Variants in PTPRT observed in about 807,000 individuals in gnomAD.
The protein encoded by PTPRT is receptor-type tyrosine-protein phosphatase T.
In PTPRT, 56 loss-of-function variants were observed where a neutral mutation model predicts 176.8. The observed-to-expected ratio is 0.32, with a 90% CI of 0.26 to 0.40. The LOEUF is 0.40. Among genes scored for constraint, PTPRT ranks in the 10% least tolerant of loss-of-function variants. The pLI is 1.00. For missense variants in PTPRT, 1,540 were observed against 1,908.2 expected (o/e 0.81, Z 3.60); for synonymous variants, 783 against 739.0 (o/e 1.06, Z -0.96).
chr20:43,009,992 A>T (rs1315959966), intron 1 of PTPRT, among the ~76,000 whole-genome samples: 1 of 151,910 alleles, frequency 6.6e-6, no homozygotes, highest in East Asian at 1.9e-4. Flanking sequence ...CATCTTTCCC[A>T]CCAAACCAGC....
At chr20:42,823,986 A>G (rs1243620275) in intron 2 of PTPRT, among the ~76,000 whole-genome samples, 5 of 152,130 alleles carry the variant, frequency 3.3e-5, no homozygotes, top group Non-Finnish European at 7.4e-5. Context: ...TATAGCATCA[A>G]TAACCACTTG....
chr20:42,151,494 T>C (rs192128419), intron 17 of PTPRT, among the ~76,000 whole-genome samples: 9 of 152,344 alleles, frequency 5.9e-5, no homozygotes, highest in Non-Finnish European at 2.9e-5. Context: ...TTTCTATGGC[T>C]GCATAGTATT....
chr20:42,654,487 C>G (rs925504196), intron 7 of PTPRT, among the ~76,000 whole-genome samples: 25 of 152,296 alleles, frequency 1.6e-4, no homozygotes, highest in African/African-American at 4.1e-4. Flanking sequence ...ACCCCCAGAA[C>G]CCACTCATTG....
At chr20:42,970,433 T>A (rs984426940) in intron 1 of PTPRT, among the ~76,000 whole-genome samples, 48 of 152,102 alleles carry the variant, frequency 3.2e-4, no homozygotes, top group African/African-American at 1.1e-3. Context: ...CACACTACAG[T>A]GGTTATACAG....
chr20:42,129,138 G>C (rs1258269410), intron 18 of PTPRT, among the ~76,000 whole-genome samples: 1 of 152,164 alleles, frequency 6.6e-6, no homozygotes, highest in African/African-American at 2.4e-5. Context: ...TTGCTTCATA[G>C]GACAATGTGA....
chr20:42,494,759 C>T (rs549003791), intron 7 of PTPRT, among the ~76,000 whole-genome samples: 1 of 148,224 alleles, frequency 6.7e-6, no homozygotes, highest in East Asian at 1.9e-4. Context: ...TCATAGCTGG[C>T]ATATAATAAG....
At chr20:42,596,340 T>C (rs1045101171) in intron 7 of PTPRT, among the ~76,000 whole-genome samples, 1 of 152,146 alleles carries the variant, frequency 6.6e-6, no homozygotes, top group Non-Finnish European at 1.5e-5. Flanking sequence ...CCCTCCATCT[T>C]TGCAGTTCCT....
chr20:43,070,968 TAAA>T (rs11474990), intron 1 of PTPRT, among the ~76,000 whole-genome samples: 4 of 122,882 alleles, frequency 3.3e-5, no homozygotes, highest in East Asian at 2.3e-4. Context: ...AAAGTATAAT[TAAA>T]AAAAAAAAAA....
the PTPRT span, among the ~76,000 whole-genome samples, chr20:42,061,832 C>T: frequency 6.6e-6 from 1 of 152,262 alleles, no homozygotes; most frequent in Admixed American, 6.5e-5. Flanking sequence ...CCTGGAATTG[C>T]ACGCTTGCGT....
At chr20:42,412,027 A>C (rs1051888449) in intron 9 of PTPRT, among the ~76,000 whole-genome samples, 1 of 152,210 alleles carries the variant, frequency 6.6e-6, no homozygotes, top group African/African-American at 2.4e-5. Flanking sequence ...TTGAGATATG[A>C]CATAAAGTAC....
chr20:43,189,134 G>C lies in PTPRT; in HGVS notation c.88+512C>G, dbSNP rs2015472145. ...CCTGCTTAGGGGAGCAGCGTGTTCA[G>C]AGCAAATGGAGAGCTTCCTGTATCT... On this transcript the variant is annotated intron_variant, in intron 1 of 30. Coordinates refer to ENST00000373187, the MANE Select transcript of PTPRT (RefSeq NM_007050.6). This position sits in a 1 kb window ranked among gnomAD's most constrained non-coding sequence, Gnocchi z 5.0. Among the ~76,000 whole-genome samples the C allele has an allele frequency of 6.6e-6, 1 of 152,186 alleles. No individual in the cohort carries two copies. Among genetic ancestry groups the C allele is most frequent in the East Asian group, 1.9e-4 (1 of 5,158 alleles).
At chr20:43,127,150 G>C (rs989196097) in intron 1 of PTPRT, among the ~76,000 whole-genome samples, 1 of 152,068 alleles carries the variant, frequency 6.6e-6, no homozygotes, top group Non-Finnish European at 1.5e-5. Context: ...GCGGCCGGGC[G>C]CGGTGGCTCA....
At chr20:42,629,917 CAG>C (rs529634322) in intron 7 of PTPRT, among the ~76,000 whole-genome samples, 34 of 152,336 alleles carry the variant, frequency 2.2e-4, no homozygotes, top group Middle Eastern at 3.4e-3. Context: ...ACAACTGCTA[CAG>C]AGTCTCAGCT....
the PTPRT span, among the ~76,000 whole-genome samples, chr20:42,038,417 G>A: frequency 2.0e-5 from 3 of 152,206 alleles, no homozygotes; most frequent in Non-Finnish European, 4.4e-5. Context: ...ATGCACGAGT[G>A]AGTCCAACTT....
At chr20:42,456,553 G>GT (rs1367123501) in intron 8 of PTPRT, among the ~76,000 whole-genome samples, 3 of 151,864 alleles carry the variant, frequency 2.0e-5, no homozygotes, top group African/African-American at 2.4e-5. Flanking sequence ...AGAATATTTT[G>GT]TTTTTTAAAT....
At chr20:42,684,785 T>C (rs932045676) in intron 6 of PTPRT, among the ~76,000 whole-genome samples, 1 of 152,028 alleles carries the variant, frequency 6.6e-6, no homozygotes, top group Non-Finnish European at 1.5e-5. Flanking sequence ...CAGATATCTA[T>C]CAAAACAAAA....
chr20:42,587,994 A>G (rs2073501211), intron 7 of PTPRT, among the ~76,000 whole-genome samples: 1 of 152,148 alleles, frequency 6.6e-6, no homozygotes, highest in African/African-American at 2.4e-5. Context: ...ATATGATTGT[A>G]AAGTACCCAG....
chr20:42,293,210 T>C (rs1555816574), intron 12 of PTPRT, among the ~76,000 whole-genome samples: 1 of 152,116 alleles, frequency 6.6e-6, no homozygotes, highest in Non-Finnish European at 1.5e-5. Context: ...TTCTTGTAAG[T>C]TTTATCTCTA....
At chr20:42,951,580 A>G (rs1240719081) in intron 1 of PTPRT, among the ~76,000 whole-genome samples, 1 of 152,314 alleles carries the variant, frequency 6.6e-6, no homozygotes, top group Middle Eastern at 3.4e-3. Context: ...TAAGGTCCCA[A>G]TCCTTGAGGA....
Sources: allele counts gnomAD v4.1 joint callset (sites outside exome capture counted in the v4.1 genomes callset), GRCh38; gene constraint gnomAD v4.1.1; non-coding constraint Gnocchi (gnomAD v3.1); transcripts MANE v1.5; gene names NCBI Gene and HGNC (gene_info 2026-07-23, HGNC 2026-07-21).